Variants in PLAT observed in about 807,000 individuals in gnomAD.
The protein encoded by PLAT is tissue-type plasminogen activator.
A neutral mutation model predicts 74.9 loss-of-function variants in PLAT; 48 were observed. The observed-to-expected ratio is 0.64, with a 90% CI of 0.51 to 0.82. The LOEUF (loss-of-function observed/expected upper bound fraction) is 0.82, where lower values mean the gene tolerates loss of function less well. PLAT is among the 40% of genes least tolerant of loss of function. The probability of loss-of-function intolerance (pLI) is 0.00; values close to 1 mark genes in which losing one functional copy is unlikely to be tolerated. For missense variants in PLAT, 673 were observed against 736.2 expected (o/e 0.91, Z 0.99); for synonymous variants, 307 against 294.4 (o/e 1.04, Z -0.44).
chr8:42,175,928 T>A lies in PLAT; in HGVS notation c.*65A>T. The stretch of plus-strand genomic sequence containing the variant: ...AGTCTGTAGAGAAGCACTGCGCCTT[T>A]GCAGTGTCTTCTGAAGAAGAAGAGG... On this transcript the variant is annotated 3_prime_UTR_variant, in exon 14 of 14. Coordinates refer to ENST00000220809, the MANE Select transcript of PLAT (RefSeq NM_000930.5). 3.9e-6 allele frequency: 6 copies of A among 1,531,608 alleles called. No homozygotes were observed. Among genetic ancestry groups the A allele is most frequent in the Non-Finnish European group, 5.4e-6 (6 of 1,111,226 alleles). The allele number at this position is 1,531,608 out of a possible 1,614,324, so 94.9% of individuals were successfully genotyped here. A position where few individuals can be genotyped will look rare whatever the true frequency, so the allele number is the denominator to read the frequency against.
At position 42,175,004 on chromosome 8, in the gene PLAT, G is replaced by C. The variant is rs1804911043; in HGVS notation, c.*989C>G. On this transcript the variant is annotated 3_prime_UTR_variant, in exon 14 of 14. Coordinates refer to ENST00000220809, the MANE Select transcript of PLAT (RefSeq NM_000930.5). ...AATTCTACTACAAGTCTGCCCTTTT[G>C]TGACCGGCTCCACTGTACCTTGGTA... 6.6e-6 allele frequency among the ~76,000 whole-genome samples: 1 copy of C among 152,058 alleles called. No homozygotes were observed. The highest frequency in any genetic ancestry group is 1.5e-5 in the Non-Finnish European group (1 of 68,028).
chr8:42,183,234 A>G (rs1392166365), intron 7 of PLAT, among the ~76,000 whole-genome samples: 1 of 152,072 alleles, frequency 6.6e-6, no homozygotes, highest in Non-Finnish European at 1.5e-5. Flanking sequence ...AACTCCTAAC[A>G]TCAGGTGATC....
At chr8:42,180,139 G>A in intron 11 of PLAT, 73 bp from the exon 12 acceptor site, 1 of 1,585,556 alleles carries the variant, frequency 6.3e-7, no homozygotes, top group Non-Finnish European at 8.6e-7. Flanking sequence ...CGCAGGAGGG[G>A]CAGGGGCTGG....
At chr8:42,187,651 C>A in intron 5 of PLAT, 79 bp from the exon 6 acceptor site, 2 of 1,356,156 alleles carry the variant, frequency 1.5e-6, no homozygotes, top group East Asian at 2.4e-5. Flanking sequence ...CTCTCTGCCC[C>A]GTCCTCCCCC....
Position 42,189,063 on chromosome 8 carries a change from T to C in PLAT, c.124A>G (p.Arg42Gly). The change falls in exon 4 of 14, where the codon AGA becomes GGA. Residue 42 changes from arginine (R) to glycine (G), a missense_variant. Coordinates refer to ENST00000220809, the MANE Select transcript of PLAT (RefSeq NM_000930.5). ...TATATCATCTGCGTTTTTTCATCTC[T>C]GCAGATCACTATGAGAAAAGACAGG... The part of the protein sequence containing the change: ...RGARSYQVIC[R>G]DEKTQMIYQQ... The C allele has an allele frequency of 6.2e-7, 1 of 1,613,164 alleles. No individual in the cohort carries two copies. Among genetic ancestry groups the C allele is most frequent in the Non-Finnish European group, 8.5e-7 (1 of 1,179,192 alleles).
chr8:42,188,862 C>T (rs1805582602), intron 4 of PLAT, 72 bp downstream of exon 4: 10 of 1,367,210 alleles, frequency 7.3e-6, no homozygotes, highest in Non-Finnish European at 9.2e-6. Flanking sequence ...CGGGCTCCAG[C>T]GACCCTCCCA....
chr8:42,180,763 G>C, intron 9 of PLAT, 78 bp from the exon 10 acceptor site: 1 of 1,081,718 alleles, frequency 9.2e-7, no homozygotes, highest in Non-Finnish European at 1.3e-6. Context: ...GAGGCCATCA[G>C]CATGGCTGTA....
chr8:42,182,547 T>A, intron 8 of PLAT, 172 bp downstream of exon 8: 2 of 529,012 alleles, frequency 3.8e-6, no homozygotes, highest in Non-Finnish European at 6.5e-6. Flanking sequence ...AGACCTTGCT[T>A]TTCACAATAT....
chr8:42,177,257 A>G (rs571289038), intron 13 of PLAT, among the ~76,000 whole-genome samples: 1 of 152,044 alleles, frequency 6.6e-6, no homozygotes, highest in African/African-American at 2.4e-5. Flanking sequence ...CACCTGACCA[A>G]CTCTTGTTTA....
At chr8:42,182,321 T>C (rs1389531454) in intron 8 of PLAT, 4 of 312,534 alleles carry the variant, frequency 1.3e-5, no homozygotes, top group African/African-American at 9.9e-5. Context: ...ATCTTGACCT[T>C]GCAGCACACC....
At chr8:42,189,486 C>A (rs1428510220) in intron 3 of PLAT, among the ~76,000 whole-genome samples, 1 of 151,488 alleles carries the variant, frequency 6.6e-6, no homozygotes, top group Non-Finnish European at 1.5e-5. Context: ...CCACTGCACT[C>A]CAGCCTGGGC....
chr8:42,205,693 G>A (rs1286177538), intron 1 of PLAT, among the ~76,000 whole-genome samples: 2 of 152,156 alleles, frequency 1.3e-5, no homozygotes, highest in African/African-American at 4.8e-5. Context: ...GAGTTGTCCT[G>A]CCTTTCCAGA....
chr8:42,179,805 T>A, intron 12 of PLAT, 121 bp downstream of exon 12: 1 of 974,050 alleles, frequency 1.0e-6, no homozygotes, highest in Admixed American at 3.1e-5. Flanking sequence ...GAGACGGGAC[T>A]GGCGTCAGTG....
At chr8:42,207,241 C>T (rs968099653) in intron 1 of PLAT, among the ~76,000 whole-genome samples, 1 of 152,164 alleles carries the variant, frequency 6.6e-6, no homozygotes, top group Non-Finnish European at 1.5e-5. Context: ...AGAGGCTTCT[C>T]CAATGAATGC....
At chr8:42,203,723 G>C (rs1806218462) in intron 1 of PLAT, among the ~76,000 whole-genome samples, 1 of 152,100 alleles carries the variant, frequency 6.6e-6, no homozygotes, top group Admixed American at 6.5e-5. Context: ...CCAGCATTTT[G>C]TGAGGCCATG....
At position 42,187,383 on chromosome 8, in the gene PLAT, G is replaced by A; in HGVS notation, c.539+15C>T. On this transcript the variant is annotated intron_variant, in intron 6 of 13. Coordinates refer to ENST00000220809, the MANE Select transcript of PLAT (RefSeq NM_000930.5). ...TTCTCACAGGGGGAATCCCTCCTTGGGGATGTGCCCTCACCTGCAGTAGTT... is the reference window on the plus strand; with the variant it reads ...TTCTCACAGGGGGAATCCCTCCTTGAGGATGTGCCCTCACCTGCAGTAGTT... The A allele has an allele frequency of 6.4e-7, 1 of 1,552,782 alleles. No homozygotes were observed. The highest frequency in any genetic ancestry group is 8.7e-7 in the Non-Finnish European group (1 of 1,149,164).
chr8:42,181,969 A>G lies in PLAT; in HGVS notation c.857T>C (p.Leu286Pro). 6.2e-7 allele frequency: 1 copy of G among 1,613,014 alleles called. No homozygotes were observed. The highest frequency in any genetic ancestry group is 8.5e-7 in the Non-Finnish European group (1 of 1,178,922). Reference sequence around the variant, plus strand: ...GGGCACATCACAGTACTCCCACGTCAGCCTGCGGTTCTTCAGCACGTGGCA... The same window carrying G: ...GGGCACATCACAGTACTCCCACGTCGGCCTGCGGTTCTTCAGCACGTGGCA... ...PWCHVLKNRR[L>P]TWEYCDVPSC... The change falls in exon 9 of 14, where the codon CTG becomes CCG. Residue 286 changes from leucine (L) to proline (P), a missense_variant. Coordinates refer to ENST00000220809, the MANE Select transcript of PLAT (RefSeq NM_000930.5).
chr8:42,193,034 C>T, intron 2 of PLAT, 80 bp downstream of exon 2: 2 of 977,072 alleles, frequency 2.0e-6, no homozygotes, highest in Non-Finnish European at 3.3e-6. Flanking sequence ...ACCTCCGTGG[C>T]CCAGATGGAC....
chr8:42,193,967 G>C, intron 1 of PLAT, among the ~76,000 whole-genome samples: 1 of 151,368 alleles, frequency 6.6e-6, no homozygotes, highest in Non-Finnish European at 1.5e-5. Flanking sequence ...GCTCGCCTTG[G>C]CCTCCCAAAG....
Sources: allele counts gnomAD v4.1 joint callset (sites outside exome capture counted in the v4.1 genomes callset), GRCh38; gene constraint gnomAD v4.1.1; transcripts MANE v1.5; gene names NCBI Gene and HGNC (gene_info 2026-07-23, HGNC 2026-07-21).